Variants in MOB1B observed in about 807,000 individuals in gnomAD.
MOB1B encodes the protein MOB1 Mps One Binder homolog B.
In MOB1B, 19 loss-of-function variants were observed where a neutral mutation model predicts 24.4. The observed-to-expected ratio is 0.78, with a 90% CI of 0.54 to 1.14. The LOEUF (loss-of-function observed/expected upper bound fraction) is 1.14, where lower values mean the gene tolerates loss of function less well. MOB1B is among the 50% of genes most tolerant of loss of function. The pLI, the probability that MOB1B is intolerant of heterozygous loss-of-function variation, is 0.00. For missense variants in MOB1B, 243 were observed against 259.6 expected (o/e 0.94, Z 0.44); for synonymous variants, 76 against 82.1 (o/e 0.93, Z 0.40).
chr4:70,980,753 C>G (rs934037187), intron 5 of MOB1B, among the ~76,000 whole-genome samples: 3 of 152,138 alleles, frequency 2.0e-5, no homozygotes, highest in African/African-American at 7.2e-5. Flanking sequence ...TCCAGGGTCT[C>G]CATGCATCTT....
chr4:70,964,235 G>A (rs1738426189), intron 2 of MOB1B, among the ~76,000 whole-genome samples: 1 of 152,096 alleles, frequency 6.6e-6, no homozygotes, highest in African/African-American at 2.4e-5. Context: ...AAATTGGTAA[G>A]GAATTAGAAA....
intron 1 of MOB1B, among the ~76,000 whole-genome samples, chr4:70,929,359 A>G (rs919843078): frequency 8.6e-5 from 13 of 151,640 alleles, no homozygotes; most frequent in Non-Finnish European, 1.9e-4. Flanking sequence ...TTGTGTTCTT[A>G]GTAGACAAGG....
At chr4:70,974,810 A>G (rs1391676635) in intron 3 of MOB1B, among the ~76,000 whole-genome samples, 1 of 152,242 alleles carries the variant, frequency 6.6e-6, no homozygotes, top group Non-Finnish European at 1.5e-5. Context: ...AAAAACAACC[A>G]TAAAGTCCAA....
intron 1 of MOB1B, among the ~76,000 whole-genome samples, chr4:70,922,596 C>T (rs1053395250): frequency 2.6e-5 from 4 of 152,020 alleles, no homozygotes; most frequent in South Asian, 2.1e-4. Flanking sequence ...GAGGCAGGCC[C>T]GAATTAACAC....
At chr4:70,920,516 A>G (rs1450280403) in intron 1 of MOB1B, among the ~76,000 whole-genome samples, 1 of 152,222 alleles carries the variant, frequency 6.6e-6, no homozygotes, top group African/African-American at 2.4e-5. Context: ...TGAGCCACTG[A>G]ACCTGGCTTC....
At chr4:70,950,025 C>T (rs572232365) in intron 1 of MOB1B, among the ~76,000 whole-genome samples, 1 of 151,902 alleles carries the variant, frequency 6.6e-6, no homozygotes, top group African/African-American at 2.4e-5. Context: ...ATAAATTAGC[C>T]TTGTGTTGTT....
In MOB1B at chr4:70,917,626, C is replaced by G. The variant is rs185314110; in HGVS notation, c.14+15076C>G. On this transcript the variant is annotated intron_variant, in intron 1 of 5. Transcript: ENST00000309395. The stretch of plus-strand genomic sequence containing the variant: ...CTCTGACGTTCTCAGAAGATCCAAA[C>G]CATAAAAAACTGTCTTTACCTGGTA... Among the ~76,000 whole-genome samples the G allele has an allele frequency of 2.3e-3, 356 of 152,214 alleles. 4 individuals are homozygous for G. The highest frequency in any genetic ancestry group is 8.1e-3 in the African/African-American group (336 of 41,548).
At chr4:70,944,294 C>T (rs907781607) in intron 1 of MOB1B, among the ~76,000 whole-genome samples, 2 of 152,232 alleles carry the variant, frequency 1.3e-5, no homozygotes, top group African/African-American at 4.8e-5. Flanking sequence ...CTTGGCCTCC[C>T]AAAGTGCTGG....
chr4:70,954,871 C>T (rs555089436), intron 1 of MOB1B, among the ~76,000 whole-genome samples: 3 of 152,154 alleles, frequency 2.0e-5, no homozygotes, highest in Non-Finnish European at 2.9e-5. Flanking sequence ...CTGCAACCTC[C>T]GCCTCCCAGG....
intron 1 of MOB1B, among the ~76,000 whole-genome samples, chr4:70,940,655 A>G (rs571011605): frequency 6.6e-6 from 1 of 152,216 alleles, no homozygotes; most frequent in East Asian, 1.9e-4. Flanking sequence ...GGTTAATAAT[A>G]AAAATAATAT....
intron 1 of MOB1B, among the ~76,000 whole-genome samples, chr4:70,934,967 G>A (rs988820681): frequency 1.3e-5 from 2 of 151,868 alleles, no homozygotes; most frequent in African/African-American, 2.4e-5. Flanking sequence ...TTTAGAGACA[G>A]GGTCTCTCTC....
At chr4:70,941,508 ATTT>A (rs1301409506) in intron 1 of MOB1B, among the ~76,000 whole-genome samples, 1 of 151,824 alleles carries the variant, frequency 6.6e-6, no homozygotes, top group African/African-American at 2.4e-5. Context: ...CGCCCGCCTA[ATTT>A]TTTGTATTTT....
At chr4:70,945,980 A>G (rs1259723472) in intron 1 of MOB1B, among the ~76,000 whole-genome samples, 1 of 151,854 alleles carries the variant, frequency 6.6e-6, no homozygotes, top group South Asian at 2.1e-4. Flanking sequence ...CTGTATTATA[A>G]GAGTTTAATT....
In MOB1B at chr4:70,983,538, T is replaced by C. The variant is rs1288385748; in HGVS notation, c.*1481T>C. The C allele has an allele frequency of 2.6e-5, 4 of 152,374 alleles. No homozygotes were observed. The highest frequency in any genetic ancestry group is 5.9e-5 in the Non-Finnish European group (4 of 68,010). 9.4% of individuals were successfully genotyped at this position (152,374 alleles called of 1,614,324 possible). Reference sequence around the variant, plus strand: ...TAGAAATCCAGTTTTAGTTTTGTCATTTTCGATAAATCTTTCTTCAGTTAG... The same window carrying C: ...TAGAAATCCAGTTTTAGTTTTGTCACTTTCGATAAATCTTTCTTCAGTTAG... On this transcript the variant is annotated 3_prime_UTR_variant, in exon 6 of 6. Transcript: ENST00000309395.
upstream of MOB1B, chr4:70,902,189 T>A (rs1871049): frequency 0.97 from 435,444 of 449,146 alleles, 211,521 homozygotes; most frequent in Middle Eastern, 0.99. Flanking sequence ...AAGGTGAGAG[T>A]CCCCATGCCG....
chr4:70,955,700 A>C (rs955706255), intron 1 of MOB1B, among the ~76,000 whole-genome samples: 1 of 151,374 alleles, frequency 6.6e-6, no homozygotes, highest in Non-Finnish European at 1.5e-5. Context: ...TGAACTCCCA[A>C]CCTCAGGTGA....
chr4:70,964,207 TAGAA>T (rs1738425350), intron 2 of MOB1B, among the ~76,000 whole-genome samples: 1 of 152,090 alleles, frequency 6.6e-6, no homozygotes, highest in African/African-American at 2.4e-5. Flanking sequence ...CAGTAACAGA[TAGAA>T]AGTGCAGAAG....
chr4:70,962,037 GCAAAATCTGTAT>G (rs1247522602), intron 2 of MOB1B, among the ~76,000 whole-genome samples: 1 of 151,964 alleles, frequency 6.6e-6, no homozygotes, highest in Non-Finnish European at 1.5e-5. Flanking sequence ...ACTAGCCTGG[GCAAAATCTGTAT>G]CTACAAAAAT....
At chr4:70,936,295 T>TA (rs1376543488) in intron 1 of MOB1B, among the ~76,000 whole-genome samples, 1 of 152,166 alleles carries the variant, frequency 6.6e-6, no homozygotes, top group Non-Finnish European at 1.5e-5. Flanking sequence ...GAGCCACCAG[T>TA]ATACTCTTTT....
Sources: allele counts gnomAD v4.1 joint callset (sites outside exome capture counted in the v4.1 genomes callset), GRCh38; gene constraint gnomAD v4.1.1; transcripts MANE v1.5; gene names NCBI Gene and HGNC (gene_info 2026-07-23, HGNC 2026-07-21).